EFHC2: variants seen among roughly 807,000 people sequenced by gnomAD.
EFHC2 encodes the protein EF-hand domain containing 2, also known as EF-hand domain-containing family member C2.
A neutral mutation model predicts 52.7 loss-of-function variants in EFHC2; 18 were observed. The observed-to-expected ratio is 0.34, with a 90% confidence interval of 0.24 to 0.51. EFHC2 has a LOEUF of 0.51. Ranked by LOEUF, EFHC2 falls within the 20% of genes least tolerant of loss-of-function variation. The pLI is 0.97. For missense variants in EFHC2, 513 were observed against 562.5 expected (o/e 0.91, Z 0.89); for synonymous variants, 203 against 204.1 (o/e 0.99, Z 0.04).
chrX:44,322,820 C>G (rs2038029764), intron 1 of EFHC2, among the ~76,000 whole-genome samples: 1 of 111,181 alleles, frequency 9.0e-6, no homozygotes. Context: ...CAAGACCAGC[C>G]TGGCCAACAT....
intron 11 of EFHC2, among the ~76,000 whole-genome samples, chrX:44,215,257 G>A (rs1170970372): frequency 9.0e-6 from 1 of 110,830 alleles, no homozygotes; most frequent in South Asian, 3.9e-4. Context: ...ACCCAGTCTC[G>A]GGTAGTTATT....
intron 13 of EFHC2, among the ~76,000 whole-genome samples, chrX:44,173,039 C>G (rs1022612205): frequency 3.6e-5 from 4 of 111,620 alleles, no homozygotes; most frequent in Admixed American, 1.9e-4. Context: ...AAAGATCAAG[C>G]TGAATTATAA....
At chrX:44,250,715 C>T (rs1343171383) in intron 4 of EFHC2, among the ~76,000 whole-genome samples, 1 of 102,980 alleles carries the variant, frequency 9.7e-6, no homozygotes, top group Non-Finnish European at 2.0e-5. Context: ...GTCCCAGCTA[C>T]TTGGGAGGCT....
intron 1 of EFHC2, among the ~76,000 whole-genome samples, chrX:44,319,806 G>T (rs1055213323): frequency 8.9e-6 from 1 of 112,284 alleles, no homozygotes. Context: ...ATAATGGATC[G>T]GTTGGCATGT....
At chrX:44,203,493 G>A (rs2037022533) in intron 11 of EFHC2, among the ~76,000 whole-genome samples, 1 of 111,324 alleles carries the variant, frequency 9.0e-6, no homozygotes, top group Non-Finnish European at 1.9e-5. Context: ...TTACAAACAG[G>A]TCGTGAGCCC....
chrX:44,211,684 AC>A, intron 11 of EFHC2, among the ~76,000 whole-genome samples: 1 of 109,039 alleles, frequency 9.2e-6, no homozygotes, highest in African/African-American at 3.3e-5. Flanking sequence ...ACATGGTGAA[AC>A]CCTGTCTCTA....
intron 3 of EFHC2, among the ~76,000 whole-genome samples, chrX:44,264,098 G>T (rs1309797548): frequency 7.2e-5 from 8 of 111,878 alleles, no homozygotes; most frequent in African/African-American, 2.6e-4. Context: ...AGCTCAGAGA[G>T]GTTAAATGCC....
chrX:44,154,813 C>T lies in EFHC2; in HGVS notation c.2149-5917G>A, dbSNP rs1002455202. Reference sequence around the variant, plus strand: ...CCTTCCCTTTCCTTTCTCACTCTCCCACTTCCTTACTAGTGTTTTCACTCC... The same window carrying T: ...CCTTCCCTTTCCTTTCTCACTCTCCTACTTCCTTACTAGTGTTTTCACTCC... On this transcript the variant is annotated intron_variant, in intron 14 of 14. Coordinates refer to ENST00000420999, the MANE Select transcript of EFHC2 (RefSeq NM_025184.4). Among the ~76,000 whole-genome samples the T allele has an allele frequency of 3.6e-5, 4 of 111,868 alleles. No homozygotes were observed. The Admixed American group carries it at 3.8e-4, about 11-fold the overall frequency.
rs1415401092 is a variant in EFHC2 at position 44,248,821 on chromosome X, G to A, written c.954C>T (p.Tyr318=). The A allele has an allele frequency of 3.3e-6, 4 of 1,207,299 alleles. No individual in the cohort carries two copies. Among genetic ancestry groups the A allele is most frequent in the Admixed American group, 2.2e-5 (1 of 45,887 alleles). ...TCCTTCCCTTATATCTATCGAACAG[G>A]TAGCCATCCGCTTGGTTCTTTATAA... ...GDFIKNQADG[Y]LFDRYKLGKV... Residue 318 remains tyrosine (Y), a synonymous_variant, in exon 6 of 15, where the codon TAC becomes TAT. Transcript: ENST00000420999.
intron 2 of EFHC2, among the ~76,000 whole-genome samples, chrX:44,301,247 T>A (rs2037866951): frequency 9.2e-6 from 1 of 108,183 alleles, no homozygotes; most frequent in Non-Finnish European, 1.9e-5. Flanking sequence ...CCAGGAACAA[T>A]TCAGTGCAAG....
intron 14 of EFHC2, among the ~76,000 whole-genome samples, chrX:44,155,334 T>C (rs1029221822): frequency 8.9e-6 from 1 of 111,843 alleles, no homozygotes; most frequent in Non-Finnish European, 1.9e-5. Context: ...ACCCTTGAAA[T>C]GGGAAGCAAA....
intron 9 of EFHC2, among the ~76,000 whole-genome samples, chrX:44,233,544 T>C (rs1043327913): frequency 8.9e-6 from 1 of 111,801 alleles, no homozygotes; most frequent in African/African-American, 3.3e-5. Flanking sequence ...AAATATAGCC[T>C]GAGACCAGAT....
intron 2 of EFHC2, among the ~76,000 whole-genome samples, chrX:44,301,357 A>G (rs890508332): frequency 3.6e-5 from 4 of 109,843 alleles, no homozygotes; most frequent in Non-Finnish European, 7.6e-5. Flanking sequence ...AAAAAACCCA[A>G]TTCCTGAGTT....
chrX:44,177,370 T>C (rs1437449401), intron 12 of EFHC2, among the ~76,000 whole-genome samples: 1 of 112,510 alleles, frequency 8.9e-6, no homozygotes, highest in African/African-American at 3.2e-5. Flanking sequence ...GGGAATGCAG[T>C]TGGCCACTTG....
rs2037994359 is a variant in EFHC2 at position 44,318,059 on chromosome X, G to A, written c.43-5303C>T. Among the ~76,000 whole-genome samples, 4 of 111,965 alleles carry A rather than the reference G, an allele frequency of 3.6e-5. No individual in the cohort carries two copies. In the Admixed American group the frequency reaches 3.8e-4, roughly 11 times the overall value. Reference sequence around the variant, plus strand: ...GGAGAATTGAAAACATACATCCACAGAAAGAAACTTACACATAAATGTTCA... The same window carrying A: ...GGAGAATTGAAAACATACATCCACAAAAAGAAACTTACACATAAATGTTCA... On this transcript the variant is annotated intron_variant, in intron 1 of 14. Coordinates refer to ENST00000420999, the MANE Select transcript of EFHC2 (RefSeq NM_025184.4).
Position 44,261,328 on chromosome X carries a change from T to C in EFHC2, c.383-30A>G, listed in dbSNP as rs368353449. On this transcript the variant is annotated intron_variant, in intron 3 of 14. Coordinates refer to ENST00000420999, the MANE Select transcript of EFHC2 (RefSeq NM_025184.4). Reference sequence around the variant, plus strand: ...GGCATGAAAGAAAATACAACTGTTTTATCATGTGGCTAACAAGTAAGAAGA... The same window carrying C: ...GGCATGAAAGAAAATACAACTGTTTCATCATGTGGCTAACAAGTAAGAAGA... 41 of 1,109,579 alleles carry C rather than the reference T, an allele frequency of 3.7e-5. No individual in the cohort carries two copies. In the African/African-American group the frequency reaches 7.0e-4, roughly 19 times the overall value. 91.4% of individuals were successfully genotyped at this position (1,109,579 alleles called of 1,213,427 possible).
rs767557214 is a variant in EFHC2, at chrX:44,323,063, A to G, written c.43-10307T>C. Among the ~76,000 whole-genome samples the G allele has an allele frequency of 1.2e-4, 14 of 112,005 alleles. No homozygotes were observed. In the East Asian group the frequency reaches 3.4e-3, roughly 27 times the overall value. ...CCCTTACTAACCAACCCAAGAGCTT[A>G]TATGTTCTTTTCCACAAATAGATTT... On this transcript the variant is annotated intron_variant, in intron 1 of 14. Coordinates refer to ENST00000420999, the MANE Select transcript of EFHC2 (RefSeq NM_025184.4).
intron 2 of EFHC2, among the ~76,000 whole-genome samples, chrX:44,289,130 T>C (rs1310996798): frequency 9.0e-6 from 1 of 111,665 alleles, no homozygotes; most frequent in Non-Finnish European, 1.9e-5. Flanking sequence ...TTGGGGCTCA[T>C]TTTATGATTG....
intron 11 of EFHC2, among the ~76,000 whole-genome samples, chrX:44,199,182 T>C (rs1000791787): frequency 1.8e-5 from 2 of 112,599 alleles, no homozygotes; most frequent in African/African-American, 6.4e-5. Context: ...CAGTGATGAG[T>C]GAGCTCTCGC....
Sources: allele counts gnomAD v4.1 joint callset (sites outside exome capture counted in the v4.1 genomes callset), GRCh38; gene constraint gnomAD v4.1.1; transcripts MANE v1.5; gene names NCBI Gene and HGNC (gene_info 2026-07-23, HGNC 2026-07-21).